Variants in ERC2 observed in about 807,000 individuals in gnomAD.
The protein encoded by ERC2 is ERC protein 2.
In ERC2, 42 loss-of-function variants were observed where a neutral mutation model predicts 114.8. That is an observed-to-expected ratio of 0.37 (90% confidence interval 0.29 to 0.47). The LOEUF (loss-of-function observed/expected upper bound fraction) is 0.47. Among genes scored for constraint, ERC2 ranks in the 20% least tolerant of loss-of-function variants. The probability of loss-of-function intolerance (pLI) is 0.99; values close to 1 mark genes in which losing one functional copy is unlikely to be tolerated. For missense variants in ERC2, 939 were observed against 1,150.7 expected (o/e 0.82, Z 2.66); for synonymous variants, 454 against 425.5 (o/e 1.07, Z -0.82).
chr3:56,264,413 G>A (rs1252250236), intron 3 of ERC2, among the ~76,000 whole-genome samples: 4 of 151,818 alleles, frequency 2.6e-5, no homozygotes, highest in African/African-American at 7.3e-5. Flanking sequence ...CCTGGCCAAC[G>A]TGGTGAAACC....
chr3:56,163,740 C>T (rs370671580), intron 4 of ERC2, among the ~76,000 whole-genome samples: 1 of 152,034 alleles, frequency 6.6e-6, no homozygotes, highest in Admixed American at 6.6e-5. Context: ...TCCAACTCTA[C>T]TTGGAGCCTA....
chr3:56,087,711 A>C (rs1019153494), intron 6 of ERC2, among the ~76,000 whole-genome samples: 1 of 152,136 alleles, frequency 6.6e-6, no homozygotes, highest in African/African-American at 2.4e-5. Flanking sequence ...ACAAAGAAAA[A>C]CTTTAAAAGA....
intron 2 of ERC2, among the ~76,000 whole-genome samples, chr3:56,312,892 C>T (rs2056660734): frequency 6.7e-6 from 1 of 149,640 alleles, no homozygotes; most frequent in Non-Finnish European, 1.5e-5. Flanking sequence ...TATTAATGAA[C>T]TAGAATCAAA....
intron 17 of ERC2, among the ~76,000 whole-genome samples, chr3:55,595,448 C>T (rs1056311483): frequency 7.9e-5 from 12 of 152,288 alleles, no homozygotes; most frequent in South Asian, 2.1e-4. Context: ...TTTTGGGAGA[C>T]GGTCAGGGAG....
At chr3:55,962,508 C>A (rs543014277) in intron 12 of ERC2, among the ~76,000 whole-genome samples, 1 of 152,194 alleles carries the variant, frequency 6.6e-6, no homozygotes, top group Middle Eastern at 3.2e-3. Flanking sequence ...TCAGATTTGG[C>A]CTGTGGGCCT....
At chr3:55,750,016 G>A (rs1301014135) in intron 14 of ERC2, among the ~76,000 whole-genome samples, 1 of 152,158 alleles carries the variant, frequency 6.6e-6, no homozygotes, top group African/African-American at 2.4e-5. Context: ...ATAGGTGGTG[G>A]CTTAAAAGAG....
At chr3:56,092,198 C>T (rs542549630) in intron 6 of ERC2, among the ~76,000 whole-genome samples, 2 of 152,226 alleles carry the variant, frequency 1.3e-5, no homozygotes, top group South Asian at 2.1e-4. Flanking sequence ...GTTAATAACA[C>T]AGTCGAGATT....
intron 17 of ERC2, among the ~76,000 whole-genome samples, chr3:55,578,921 A>C (rs1308717989): frequency 6.6e-6 from 1 of 152,154 alleles, no homozygotes; most frequent in Non-Finnish European, 1.5e-5. Flanking sequence ...ATGGTTAGGC[A>C]GAGTTCTGAG....
At chr3:55,945,327 C>G (rs977225485) in intron 13 of ERC2, among the ~76,000 whole-genome samples, 2 of 152,164 alleles carry the variant, frequency 1.3e-5, no homozygotes, top group South Asian at 4.1e-4. Context: ...AATGGCAGTA[C>G]TTAGGTAAGT....
chr3:56,333,910 C>T (rs942538700), intron 2 of ERC2, among the ~76,000 whole-genome samples: 5 of 152,144 alleles, frequency 3.3e-5, no homozygotes, highest in African/African-American at 1.2e-4. Context: ...TCTTGGGAGG[C>T]TCTTTCTTAT....
chr3:56,088,627 G>T (rs1424114705), intron 6 of ERC2, among the ~76,000 whole-genome samples: 2 of 152,108 alleles, frequency 1.3e-5, no homozygotes, highest in African/African-American at 4.8e-5. Flanking sequence ...TTGAGTTTCA[G>T]TTTGGATAGA....
intron 3 of ERC2, among the ~76,000 whole-genome samples, chr3:56,177,984 T>A (rs2083073309): frequency 6.6e-6 from 1 of 152,218 alleles, no homozygotes; most frequent in Admixed American, 6.5e-5. Context: ...CCCCACATTA[T>A]ATATTTTCCT....
chr3:56,020,757 G>A (rs907897931), intron 7 of ERC2, among the ~76,000 whole-genome samples: 1 of 152,196 alleles, frequency 6.6e-6, no homozygotes, highest in African/African-American at 2.4e-5. Flanking sequence ...GGCAGACAGT[G>A]CCCTGGGCAT....
intron 2 of ERC2, among the ~76,000 whole-genome samples, chr3:56,347,650 G>A (rs2058361095): frequency 6.6e-6 from 1 of 152,082 alleles, no homozygotes; most frequent in Non-Finnish European, 1.5e-5. Context: ...CACCTGGACA[G>A]TACCAACTCT....
intron 15 of ERC2, among the ~76,000 whole-genome samples, chr3:55,703,001 T>C (rs1011970077): frequency 6.6e-6 from 1 of 152,192 alleles, no homozygotes; most frequent in African/African-American, 2.4e-5. Context: ...CTAACTGTGT[T>C]ATACTCTTTT....
chr3:56,225,929 A>G (rs1302683430), intron 3 of ERC2, among the ~76,000 whole-genome samples: 4 of 152,148 alleles, frequency 2.6e-5, no homozygotes, highest in African/African-American at 9.6e-5. Flanking sequence ...CAGAACCAAC[A>G]ATCTGCCTTC....
intron 3 of ERC2, among the ~76,000 whole-genome samples, chr3:56,205,636 C>G (rs2048679475): frequency 6.6e-6 from 1 of 152,130 alleles, no homozygotes; most frequent in Non-Finnish European, 1.5e-5. Context: ...GTGGGCATGG[C>G]CACCGAAACT....
At chr3:56,133,937 G>A (rs9844377) in intron 6 of ERC2, among the ~76,000 whole-genome samples, 4,880 of 152,230 alleles carry the variant, frequency 0.032, 77 homozygotes, top group Middle Eastern at 0.068. Flanking sequence ...CATACCACCA[G>A]CTAAAGCATT....
At chr3:56,460,377 GT>G (rs1436194860) in intron 1 of ERC2, among the ~76,000 whole-genome samples, 2 of 152,200 alleles carry the variant, frequency 1.3e-5, no homozygotes, top group Non-Finnish European at 2.9e-5. Flanking sequence ...CTCTGAGCAA[GT>G]TTTTCTGTTC....
Sources: gnomAD v4.1 joint callset for allele counts (sites outside exome capture counted in the v4.1 genomes callset) on GRCh38, gnomAD v4.1.1 for gene constraint, MANE v1.5 for transcripts, NCBI Gene and HGNC (gene_info 2026-07-23, HGNC 2026-07-21) for gene names.